PIWIL4: variants seen among roughly 807,000 people sequenced by gnomAD.
PIWIL4 encodes piwi like RNA-mediated gene silencing 4, also known as piwi-like protein 4.
PIWIL4 carries 50 observed loss-of-function variants against 100.9 expected under a neutral mutation model. That is an observed-to-expected ratio of 0.50 (90% CI 0.39 to 0.63). PIWIL4 has a LOEUF of 0.63. Ranked by LOEUF, PIWIL4 falls within the 20% of genes least tolerant of loss-of-function variation. The pLI is 0.00. For synonymous variants in PIWIL4, 342 were observed against 367.5 expected (o/e 0.93, Z 0.79); for missense variants, 887 against 1,043.3 (o/e 0.85, Z 2.06).
Position 94,580,059 on chromosome 11 carries a change from G to A in PIWIL4, c.513+2567G>A, listed in dbSNP as rs1001324234. ...CTCATTTCTCATTCAAAATGAGCAT[G>A]TAGTATGTGTCAAACACCTTTCTGT... is the stretch of plus-strand genomic sequence containing the variant. On this transcript the variant is annotated intron_variant, in intron 4 of 19. Transcript: ENST00000299001. 3.9e-5 allele frequency among the ~76,000 whole-genome samples: 6 copies of A among 152,302 alleles called. No individual in the cohort carries two copies. The South Asian group carries it at 1.2e-3, about 32-fold the overall frequency.
intron 13 of PIWIL4, among the ~76,000 whole-genome samples, 178 bp from the exon 14 acceptor site, chr11:94,607,261 T>C (rs1948733265): frequency 6.6e-6 from 1 of 152,186 alleles, no homozygotes. Flanking sequence ...AATGGATTGA[T>C]TAATTCACCA....
rs574855940 is a variant in PIWIL4, at chr11:94,606,960, C to T, written c.1639-479C>T. On this transcript the variant is annotated intron_variant, in intron 13 of 19. Coordinates refer to ENST00000299001, the MANE Select transcript of PIWIL4 (RefSeq NM_152431.3). ...TGTCCTTTATTTTGGTTATCTTGTACCTAATGGGAAAAGCACCATAGTTTA... is the reference window on the plus strand; with the variant it reads ...TGTCCTTTATTTTGGTTATCTTGTATCTAATGGGAAAAGCACCATAGTTTA... Among the ~76,000 whole-genome samples the T allele has an allele frequency of 1.2e-4, 18 of 151,898 alleles. No individual in the cohort carries two copies. In the South Asian group the frequency reaches 3.5e-3, roughly 30 times the overall value.
intron 2 of PIWIL4, among the ~76,000 whole-genome samples, chr11:94,570,158 A>G (rs1948131304): frequency 6.6e-6 from 1 of 152,134 alleles, no homozygotes. Context: ...ACTTGTCAAC[A>G]TGCTACTCCA....
intron 11 of PIWIL4, among the ~76,000 whole-genome samples, chr11:94,598,834 A>G (rs974396341): frequency 3.3e-5 from 5 of 151,772 alleles, no homozygotes; most frequent in Non-Finnish European, 7.4e-5. Flanking sequence ...CAGCCTCCCA[A>G]GAAGCTGGGA....
At chr11:94,581,275 C>G (rs1035747047) in intron 4 of PIWIL4, among the ~76,000 whole-genome samples, 3 of 152,012 alleles carry the variant, frequency 2.0e-5, no homozygotes, top group Non-Finnish European at 4.4e-5. Flanking sequence ...AATATATTGC[C>G]CAAGGTTGTC....
chr11:94,600,572 G>A (rs554120567), intron 11 of PIWIL4, among the ~76,000 whole-genome samples: 32 of 152,274 alleles, frequency 2.1e-4, no homozygotes, highest in African/African-American at 6.5e-4. Flanking sequence ...AGGACCGGGC[G>A]AAATTAAAAT....
intron 6 of PIWIL4, 123 bp from the exon 7 acceptor site, chr11:94,586,927 A>G: frequency 1.0e-6 from 1 of 1,003,038 alleles, no homozygotes; most frequent in South Asian, 1.7e-5. Context: ...AAATCAGACT[A>G]AAGAAAAAAA....
At position 94,582,821 on chromosome 11, in the gene PIWIL4, C is replaced by T. The variant is rs76417543; in HGVS notation, c.514-627C>T. ...TCTAATTTCCACCACTTATTCCTCT[C>T]TCTCCCCATGTTTACTTTCCCTCTC... On this transcript the variant is annotated intron_variant, in intron 4 of 19. Transcript: ENST00000299001. 2.6e-3 allele frequency among the ~76,000 whole-genome samples: 394 copies of T among 152,262 alleles called. 2 individuals are homozygous for T. The highest frequency in any genetic ancestry group is 4.5e-3 in the Non-Finnish European group (307 of 68,014).
intron 5 of PIWIL4, 49 bp from the exon 6 acceptor site, chr11:94,585,396 A>G (rs761442416): frequency 6.1e-6 from 8 of 1,306,942 alleles, no homozygotes; most frequent in Non-Finnish European, 8.7e-6. Flanking sequence ...TTAGAATTAC[A>G]CTGTTACTGA....
chr11:94,586,362 G>A (rs1383387148), intron 6 of PIWIL4, among the ~76,000 whole-genome samples: 1 of 151,914 alleles, frequency 6.6e-6, no homozygotes, highest in Non-Finnish European at 1.5e-5. Flanking sequence ...ATATAAACTG[G>A]AATTATTTTT....
chr11:94,589,566 A>G (rs1267917578), intron 8 of PIWIL4, among the ~76,000 whole-genome samples: 1 of 152,108 alleles, frequency 6.6e-6, no homozygotes, highest in Non-Finnish European at 1.5e-5. Flanking sequence ...GATGTGGCCA[A>G]TTCCTGCCTT....
chr11:94,609,944 ATAAT>A (rs1273764630), intron 15 of PIWIL4, among the ~76,000 whole-genome samples: 2 of 152,052 alleles, frequency 1.3e-5, no homozygotes, highest in African/African-American at 2.4e-5. Context: ...ATAGTACATG[ATAAT>A]TAACTATACT....
chr11:94,577,334 C>G lies in PIWIL4; in HGVS notation c.355C>G (p.Gln119Glu), dbSNP rs1224097407. The G allele has an allele frequency of 6.2e-7, 1 of 1,613,878 alleles. No individual in the cohort carries two copies. The highest frequency in any genetic ancestry group is 8.5e-7 in the Non-Finnish European group (1 of 1,179,964). ...VTNLFNLDFPQDWQLYQYHVT... is the reference protein window; with the variant it reads ...VTNLFNLDFPEDWQLYQYHVT... ...AAACCTCTTTAACTTAGATTTTCCC[C>G]AAGACTGGCAGCTATACCAGTACCA... The change falls in exon 4 of 20, where the codon CAA becomes GAA. Residue 119 changes from glutamine to glutamate, a missense_variant. By Grantham distance (29) the Gln-to-Glu change is conservative. Transcript: ENST00000299001.
chr11:94,617,958 A>G lies in PIWIL4; in HGVS notation c.2019A>G (p.Ala673=). The change falls in exon 17 of 20, where the codon GCA becomes GCG. Residue 673 remains alanine (A), a synonymous_variant. Coordinates refer to ENST00000299001, the MANE Select transcript of PIWIL4 (RefSeq NM_152431.3). ...ADCLKVFMTG[A]LNKWYKYNHD... ...TACTGACACCAAATTCTGCAGGAGCACTCAACAAATGGTACAAGTACAATC... is the reference window on the plus strand; with the variant it reads ...TACTGACACCAAATTCTGCAGGAGCGCTCAACAAATGGTACAAGTACAATC... The G allele has an allele frequency of 6.2e-7, 1 of 1,613,888 alleles. No homozygotes were observed. Among genetic ancestry groups the G allele is most frequent in the South Asian group, 1.1e-5 (1 of 91,068 alleles).
chr11:94,605,597 C>T lies in PIWIL4; in HGVS notation c.1638+1541C>T, dbSNP rs114192615. The stretch of plus-strand genomic sequence containing the variant: ...ATAAATAATCCTGTTCCTCATCAAA[C>T]TTTTACCCATTTGTCTTAGCATCTA... On this transcript the variant is annotated intron_variant, in intron 13 of 19. Transcript: ENST00000299001. Among the ~76,000 whole-genome samples, 977 of 152,244 alleles carry T rather than the reference C, an allele frequency of 6.4e-3. 6 individuals are homozygous for T. Among genetic ancestry groups the T allele is most frequent in the African/African-American group, 0.022 (920 of 41,532 alleles).
chr11:94,571,146 C>T (rs1948146506), intron 2 of PIWIL4, among the ~76,000 whole-genome samples: 1 of 152,150 alleles, frequency 6.6e-6, no homozygotes, highest in South Asian at 2.1e-4. Context: ...TGTGCAGCCT[C>T]TGAGCACAGA....
chr11:94,608,906 C>CTA (rs1352251465), intron 15 of PIWIL4, among the ~76,000 whole-genome samples: 105 of 152,190 alleles, frequency 6.9e-4, no homozygotes, highest in South Asian at 1.9e-3. Context: ...TTAGGGTGAG[C>CTA]TATTGCTCAT....
At chr11:94,576,737 C>T (rs1367202934) in intron 3 of PIWIL4, among the ~76,000 whole-genome samples, 4 of 152,180 alleles carry the variant, frequency 2.6e-5, no homozygotes, top group Admixed American at 6.5e-5. Context: ...TTCCTCTCTC[C>T]GCAGCCTTCC....
intron 10 of PIWIL4, among the ~76,000 whole-genome samples, chr11:94,596,449 C>T (rs78484133): frequency 1.1e-3 from 160 of 152,192 alleles, no homozygotes; most frequent in African/African-American, 3.2e-3. Flanking sequence ...ACTCTGCAAA[C>T]GCATATAATC....
Sources: gnomAD v4.1 joint callset for allele counts (sites outside exome capture counted in the v4.1 genomes callset) on GRCh38, gnomAD v4.1.1 for gene constraint, MANE v1.5 for transcripts, NCBI Gene and HGNC (gene_info 2026-07-23, HGNC 2026-07-21) for gene names.